Variants in CRYZ observed in about 807,000 individuals in gnomAD.
CRYZ encodes the protein crystallin zeta.
CRYZ carries 35 observed loss-of-function variants against 34.1 expected under a neutral mutation model. That is an observed-to-expected ratio of 1.03 (90% CI 0.78 to 1.36). CRYZ has a LOEUF of 1.36. Ranked by LOEUF, CRYZ falls within the 40% of genes most tolerant of loss-of-function variation. CRYZ has a pLI of 0.00. For synonymous variants in CRYZ, 137 were observed against 136.5 expected, an observed-to-expected ratio of 1.00 and a Z score of -0.03; for missense variants, 403 against 391.8, an observed-to-expected ratio of 1.03 and a Z score of -0.24.
At position 74,714,643 on chromosome 1, in the gene CRYZ, G is replaced by A; in HGVS notation, c.429-13C>T. On this transcript the variant is annotated splice_polypyrimidine_tract_variant and intron_variant, in intron 4 of 8. Transcript: ENST00000340866. ...TTTCACACAGGCACTGCAAAGGAAA[G>A]CATAAGTTACATCACCTTATTTTTT... The A allele has an allele frequency of 1.2e-6, 2 of 1,613,204 alleles. No homozygotes were observed. The highest frequency in any genetic ancestry group is 1.7e-6 in the Non-Finnish European group (2 of 1,179,398).
rs1646947539 is a variant in CRYZ, at chr1:74,707,611, C to A, written c.631-407G>T. ...ATAAACAAAAAGCAAAAGAAGATAT[C>A]ATTAGCTGTTCGGTTTTGCATGATT... On this transcript the variant is annotated intron_variant, in intron 6 of 8. Coordinates refer to ENST00000340866, the MANE Select transcript of CRYZ (RefSeq NM_001889.4). 3.2e-5 allele frequency: 5 copies of A among 153,920 alleles called. No individual in the cohort carries two copies. In the Admixed American group the frequency reaches 3.3e-4, roughly 10 times the overall value. 9.5% of individuals were successfully genotyped at this position (153,920 alleles called of 1,614,324 possible).
chr1:74,725,500 T>A (rs191918255), intron 1 of CRYZ, among the ~76,000 whole-genome samples: 1 of 150,640 alleles, frequency 6.6e-6, no homozygotes, highest in Non-Finnish European at 1.5e-5. Flanking sequence ...CCTTCCCCCA[T>A]GACTCAATTA....
rs373640611 is a variant in CRYZ, at chr1:74,723,318, T to C, written c.112-48A>G. On this transcript the variant is annotated intron_variant, in intron 2 of 8. Coordinates refer to ENST00000340866, the MANE Select transcript of CRYZ (RefSeq NM_001889.4). ...TTCACAGAAAGAATTTAGGCATTCA[T>C]TTAACTTTATGCTAGGACTGTGCTG... The C allele has an allele frequency of 3.2e-6, 5 of 1,577,600 alleles. No homozygotes were observed. The African/African-American group carries it at 6.8e-5, about 21-fold the overall frequency.
intron 4 of CRYZ, among the ~76,000 whole-genome samples, chr1:74,717,763 A>G (rs1039322969): frequency 3.9e-5 from 6 of 152,154 alleles, no homozygotes; most frequent in Admixed American, 3.3e-4. Context: ...CATTCACTGG[A>G]TGCTTAAGGA....
chr1:74,715,778 G>A (rs1481162197), intron 4 of CRYZ, among the ~76,000 whole-genome samples: 1 of 152,062 alleles, frequency 6.6e-6, no homozygotes, highest in Admixed American at 6.6e-5. Context: ...TGGGGTGAGG[G>A]GAGAAAAAGC....
Position 74,707,213 on chromosome 1 carries a change from TAA to T in CRYZ, c.631-11_631-10del. 1.4e-6 allele frequency: 2 copies of T among 1,425,760 alleles called. No individual in the cohort carries two copies. The highest frequency in any genetic ancestry group is 1.9e-6 in the Non-Finnish European group (2 of 1,029,200). The allele number at this position is 1,425,760 out of a possible 1,614,324, so 88.3% of individuals were successfully genotyped here. On this transcript the variant is annotated splice_polypyrimidine_tract_variant and intron_variant, in intron 6 of 8. Transcript: ENST00000340866. ...TTCTCACCAACATACTTCTATATAA[TAA>T]AAGAGAAATGTAGAGTAAGATAGCA...
intron 1 of CRYZ, among the ~76,000 whole-genome samples, chr1:74,729,694 T>C (rs72970024): frequency 0.032 from 4,908 of 151,262 alleles, 249 homozygotes; most frequent in African/African-American, 0.11. Context: ...TAAAATGTTA[T>C]GAAAAAAATA....
intron 3 of CRYZ, 98 bp from the exon 4 acceptor site, chr1:74,719,470 T>C: frequency 1.8e-6 from 2 of 1,105,256 alleles, no homozygotes; most frequent in Non-Finnish European, 2.5e-6. Context: ...AGTACTCATA[T>C]ATTGTCCTCT....
intron 3 of CRYZ, 71 bp from the exon 4 acceptor site, chr1:74,719,443 A>G: frequency 2.9e-6 from 4 of 1,384,528 alleles, no homozygotes; most frequent in Non-Finnish European, 3.9e-6. Flanking sequence ...ATAATCCTTT[A>G]TAACAAGAAA....
intron 8 of CRYZ, 27 bp from the exon 9 acceptor site, chr1:74,706,484 T>G (rs762238147): frequency 6.3e-7 from 1 of 1,584,708 alleles, no homozygotes; most frequent in African/African-American, 1.4e-5. Context: ...CAAATTTCTT[T>G]TTGTAGTGAA....
intron 3 of CRYZ, among the ~76,000 whole-genome samples, chr1:74,722,616 G>A (rs987534404): frequency 5.3e-5 from 8 of 151,946 alleles, no homozygotes; most frequent in African/African-American, 1.9e-4. Flanking sequence ...ATATGTGTGT[G>A]TGTGTATATA....
At chr1:74,713,246 G>A (rs1227933646) in intron 5 of CRYZ, among the ~76,000 whole-genome samples, 1 of 152,092 alleles carries the variant, frequency 6.6e-6, no homozygotes, top group African/African-American at 2.4e-5. Flanking sequence ...TTACAAGAGG[G>A]TAAAGGGAAT....
At position 74,710,007 on chromosome 1, in the gene CRYZ, T is replaced by C. The variant is rs551952656; in HGVS notation, c.630+91A>G. ...ACTGAAAAAAGGAAGCAAACAGCTT[T>C]AAAGGAGTAGTTGGTTAAAAACATA... On this transcript the variant is annotated intron_variant, in intron 6 of 8. Transcript: ENST00000340866. 160 of 1,065,800 alleles carry C rather than the reference T, an allele frequency of 1.5e-4. 3 individuals are homozygous for C. In the South Asian group the frequency reaches 2.4e-3, roughly 16 times the overall value. The allele number at this position is 1,065,800 out of a possible 1,614,324, so 66.0% of individuals were successfully genotyped here. A position where few individuals can be genotyped will look rare whatever the true frequency, so the allele number is the denominator to read the frequency against.
intron 4 of CRYZ, among the ~76,000 whole-genome samples, 188 bp downstream of exon 4, chr1:74,719,021 C>T (rs920410120): frequency 2.0e-5 from 3 of 152,124 alleles, no homozygotes; most frequent in African/African-American, 7.2e-5. Flanking sequence ...ACAGTGTTTG[C>T]TCTTCTTTGT....
At chr1:74,716,614 G>T (rs1647078959) in intron 4 of CRYZ, among the ~76,000 whole-genome samples, 1 of 152,142 alleles carries the variant, frequency 6.6e-6, no homozygotes, top group South Asian at 2.1e-4. Flanking sequence ...TTCTCCCTGA[G>T]AAATATCAGA....
intron 4 of CRYZ, among the ~76,000 whole-genome samples, chr1:74,715,031 T>C (rs1312228733): frequency 6.6e-6 from 1 of 152,186 alleles, no homozygotes; most frequent in East Asian, 1.9e-4. Flanking sequence ...TCAGTCTTTA[T>C]TCTGTGGTCT....
chr1:74,732,628 C>A (rs1197870017), intron 1 of CRYZ: 1 of 30,630 alleles, frequency 3.3e-5, no homozygotes, highest in African/African-American at 1.1e-4. Flanking sequence ...CAGCGTGGGG[C>A]TGGGGGACAG....
At chr1:74,717,326 T>C (rs1647091450) in intron 4 of CRYZ, among the ~76,000 whole-genome samples, 1 of 152,192 alleles carries the variant, frequency 6.6e-6, no homozygotes, top group Non-Finnish European at 1.5e-5. Flanking sequence ...ATAGTTTCCA[T>C]TCAAGGAATT....
intron 3 of CRYZ, among the ~76,000 whole-genome samples, chr1:74,721,982 T>C (rs182547540): frequency 7.9e-5 from 12 of 152,340 alleles, no homozygotes; most frequent in African/African-American, 1.7e-4. Flanking sequence ...AATTGCCACA[T>C]GTAGCTAGTG....
Sources: allele counts gnomAD v4.1 joint callset (sites outside exome capture counted in the v4.1 genomes callset), GRCh38; gene constraint gnomAD v4.1.1; transcripts MANE v1.5; gene names NCBI Gene and HGNC (gene_info 2026-07-23, HGNC 2026-07-21).